SHANK2: variants seen among roughly 807,000 people sequenced by gnomAD.
SHANK2 encodes the protein SH3 and multiple ankyrin repeat domains 2.
Under a neutral mutation model 133.7 loss-of-function variants are expected in SHANK2, and 43 were observed. The ratio of observed to expected loss-of-function variants is 0.32; its 90% CI spans 0.25 to 0.41. SHANK2 has a LOEUF of 0.41. Ranked by LOEUF, SHANK2 falls within the 10% of genes least tolerant of loss-of-function variation. The pLI, the probability that SHANK2 is intolerant of heterozygous loss-of-function variation, is 1.00. For missense variants in SHANK2, 1,994 were observed against 2,235.8 expected (o/e 0.89, Z 2.18); for synonymous variants, 1,017 against 952.8 (o/e 1.07, Z -1.24).
intron 5 of SHANK2, among the ~76,000 whole-genome samples, chr11:71,112,343 A>G (rs902129047): frequency 3.3e-5 from 5 of 152,218 alleles, no homozygotes; most frequent in Admixed American, 2.6e-4. Context: ...CAGTGAGCCA[A>G]GATTATGCCA....
At chr11:70,942,215 G>C (rs531902437) in intron 10 of SHANK2, among the ~76,000 whole-genome samples, 1 of 152,156 alleles carries the variant, frequency 6.6e-6, no homozygotes, top group East Asian at 1.9e-4. Context: ...AAGAAAAGAG[G>C]TTTATTTAGC....
At chr11:71,136,136 C>T (rs1952434599) in intron 3 of SHANK2, among the ~76,000 whole-genome samples, 1 of 152,098 alleles carries the variant, frequency 6.6e-6, no homozygotes, top group Admixed American at 6.5e-5. Context: ...GGGAATGGAT[C>T]CACAAGATGT....
intron 10 of SHANK2, among the ~76,000 whole-genome samples, chr11:70,909,110 G>C (rs1950152450): frequency 6.6e-6 from 1 of 152,244 alleles, no homozygotes; most frequent in African/African-American, 2.4e-5. Context: ...CCCTCTCCCA[G>C]AAGGATTTGC....
At chr11:71,222,142 C>T (rs1295420392) in intron 2 of SHANK2, among the ~76,000 whole-genome samples, 1 of 148,858 alleles carries the variant, frequency 6.7e-6, no homozygotes, top group Non-Finnish European at 1.5e-5. Flanking sequence ...CCACCCCATC[C>T]AGCACCACCA....
At chr11:70,847,899 G>A (rs1466976438) in intron 11 of SHANK2, among the ~76,000 whole-genome samples, 3 of 152,248 alleles carry the variant, frequency 2.0e-5, no homozygotes, top group Non-Finnish European at 4.4e-5. Flanking sequence ...AGGACCACCA[G>A]GAGACCACGT....
intron 12 of SHANK2, among the ~76,000 whole-genome samples, chr11:70,808,479 G>A (rs182894853): frequency 1.1e-4 from 16 of 150,436 alleles, no homozygotes; most frequent in African/African-American, 2.0e-4. Context: ...TGAAGTTACA[G>A]GTGTGAGACA....
At chr11:70,703,017 C>T (rs1945571548) in intron 14 of SHANK2, among the ~76,000 whole-genome samples, 1 of 152,220 alleles carries the variant, frequency 6.6e-6, no homozygotes, top group African/African-American at 2.4e-5. Flanking sequence ...CGTGGTCATA[C>T]ATTAGATTAG....
At chr11:70,631,331 G>A (rs1392296144) in intron 17 of SHANK2, 5 of 152,266 alleles carry the variant, frequency 3.3e-5, no homozygotes, top group African/African-American at 1.2e-4. Context: ...TAGAATCTGG[G>A]AGGAGCCTGC....
intron 17 of SHANK2, among the ~76,000 whole-genome samples, chr11:70,517,802 T>C (rs1269947917): frequency 3.3e-5 from 5 of 152,202 alleles, no homozygotes; most frequent in African/African-American, 1.2e-4. Context: ...ATATTATACA[T>C]TTGGCAAAAC....
At chr11:70,651,253 A>G (rs11237069) in intron 17 of SHANK2, among the ~76,000 whole-genome samples, 5,669 of 152,238 alleles carry the variant, frequency 0.037, 356 homozygotes, top group African/African-American at 0.13. Flanking sequence ...CTGAAATTGA[A>G]ATCACTGATG....
intron 17 of SHANK2, among the ~76,000 whole-genome samples, chr11:70,524,306 C>T (rs4980535): frequency 0.92 from 139,360 of 152,260 alleles, 63,959 homozygotes; most frequent in East Asian, 1. Flanking sequence ...CTCACATCCA[C>T]GCTCGCCTTA....
Position 70,486,641 on chromosome 11 carries a change from G to A in SHANK2, c.3652C>T (p.Leu1218=), listed in dbSNP as rs1591488665. ...GCTCGGTCCCTTGCGGAGAGTGCCA[G>A]GGCCAGCGGGGAGCTGGGATCAAGC... The part of the protein sequence containing the change: ...RLLDPSSPLA[L]ALSARDRAMK... The change falls in exon 25 of 26, where the codon CTG becomes TTG. Residue 1218 remains leucine (L), a synonymous_variant. Coordinates refer to ENST00000601538, the MANE Select transcript of SHANK2 (RefSeq NM_012309.5). The surrounding 1 kb of genome is among the most constrained non-coding windows in gnomAD (Gnocchi z 8.0). 1 of 1,612,610 alleles carries A rather than the reference G, an allele frequency of 6.2e-7. No individual in the cohort carries two copies. The highest frequency in any genetic ancestry group is 1.3e-5 in the African/African-American group (1 of 74,940).
chr11:71,202,893 C>T (rs1170999270), intron 2 of SHANK2, among the ~76,000 whole-genome samples: 1 of 152,246 alleles, frequency 6.6e-6, no homozygotes, highest in Non-Finnish European at 1.5e-5. Context: ...GGGAAACTGC[C>T]TTGGAAAAAA....
intron 2 of SHANK2, among the ~76,000 whole-genome samples, chr11:71,174,002 A>T (rs1376327772): frequency 6.6e-6 from 1 of 152,232 alleles, no homozygotes; most frequent in African/African-American, 2.4e-5. Flanking sequence ...TGTTGCTGTG[A>T]GCCACTAGTT....
chr11:70,662,756 G>A (rs937180502), intron 15 of SHANK2, among the ~76,000 whole-genome samples: 3 of 152,002 alleles, frequency 2.0e-5, no homozygotes, highest in Non-Finnish European at 2.9e-5. Context: ...GTGTCCTCTC[G>A]CTTTTCCTGC....
In SHANK2 at chr11:70,473,303, G is replaced by T. The variant is rs370486550; in HGVS notation, c.5116C>A (p.Arg1706Ser). 2 of 1,614,012 alleles carry T rather than the reference G, an allele frequency of 1.2e-6. No individual in the cohort carries two copies. The highest frequency in any genetic ancestry group is 1.1e-5 in the South Asian group (1 of 91,072). ...GGCGAGACCACAGGGCTTGGGGCAC[G>T]TCTTGTTCCTGAGGTCCTGCTTTCA... Reference protein sequence around the residue: ...DYESRTSGTRRAPSPVVSPTE... With the variant: ...DYESRTSGTRSAPSPVVSPTE... Residue 1706 changes from arginine to serine, a missense_variant, in exon 26 of 26, where the codon CGT (arginine) becomes AGT (serine). Arg to Ser is a moderately radical substitution (Grantham distance 110, BLOSUM62 -1). Coordinates refer to ENST00000601538, the MANE Select transcript of SHANK2 (RefSeq NM_012309.5). This position sits in a 1 kb window ranked among gnomAD's most constrained non-coding sequence, Gnocchi z 5.9.
At chr11:70,862,581 G>T (rs1200987564) in intron 11 of SHANK2, among the ~76,000 whole-genome samples, 1 of 151,912 alleles carries the variant, frequency 6.6e-6, no homozygotes, top group African/African-American at 2.4e-5. Flanking sequence ...GGACTGGACG[G>T]GCTGATGGAC....
intron 6 of SHANK2, among the ~76,000 whole-genome samples, chr11:71,103,058 C>A (rs180959075): frequency 6.6e-6 from 1 of 152,226 alleles, no homozygotes; most frequent in African/African-American, 2.4e-5. Flanking sequence ...GGGCACTAAT[C>A]CCATTCACAA....
chr11:71,174,904 C>T (rs1365035897), intron 2 of SHANK2: 3 of 152,094 alleles, frequency 2.0e-5, no homozygotes, highest in African/African-American at 4.8e-5. Context: ...GATTAGATTC[C>T]AATGCTGGGG....
Sources: gnomAD v4.1 joint callset for allele counts (sites outside exome capture counted in the v4.1 genomes callset) on GRCh38, gnomAD v4.1.1 for gene constraint, Gnocchi (gnomAD v3.1) non-coding constraint, MANE v1.5 for transcripts, NCBI Gene and HGNC (gene_info 2026-07-23, HGNC 2026-07-21) for gene names.